ADGRE2: variants seen among roughly 807,000 people sequenced by gnomAD.
ADGRE2 encodes CD97 antigen.
A neutral mutation model predicts 100.8 loss-of-function variants in ADGRE2; 83 were observed. The ratio of observed to expected loss-of-function variants is 0.82; its 90% CI spans 0.69 to 0.99. The LOEUF (loss-of-function observed/expected upper bound fraction) is 0.99, where lower values mean the gene tolerates loss of function less well. Ranked by LOEUF, ADGRE2 falls within the 50% of genes least tolerant of loss-of-function variation. The probability of loss-of-function intolerance (pLI) is 0.00; values close to 1 mark genes in which losing one functional copy is unlikely to be tolerated. For synonymous variants in ADGRE2, 355 were observed against 413.0 expected (o/e 0.86, Z 1.70); for missense variants, 814 against 1,035.7 (o/e 0.79, Z 2.94).
At chr19:14,749,047 T>C (rs1421757998) in intron 16 of ADGRE2, among the ~76,000 whole-genome samples, 4 of 151,542 alleles carry the variant, frequency 2.6e-5, no homozygotes, top group African/African-American at 9.7e-5. Flanking sequence ...ATGATCACAT[T>C]ATAGTTATAT....
chr19:14,746,976 G>C lies in ADGRE2; in HGVS notation c.2025-14C>G. Reference sequence around the variant, plus strand: ...TGGAGCCAGCAGCTGAAAAAAGAGAGATTAAAAAAAATGCATCAGTTTTTG... The same window carrying C: ...TGGAGCCAGCAGCTGAAAAAAGAGACATTAAAAAAAATGCATCAGTTTTTG... On this transcript the variant is annotated splice_polypyrimidine_tract_variant and intron_variant, in intron 16 of 20. Transcript: ENST00000315576. 1.3e-6 allele frequency: 2 copies of C among 1,590,064 alleles called. No homozygotes were observed. Among genetic ancestry groups the C allele is most frequent in the Non-Finnish European group, 1.7e-6 (2 of 1,166,456 alleles).
At chr19:14,752,020 A>T (rs1599820055) in intron 15 of ADGRE2, among the ~76,000 whole-genome samples, 2 of 147,482 alleles carry the variant, frequency 1.4e-5, no homozygotes, top group Middle Eastern at 7.2e-3. Context: ...CACAACCTCC[A>T]CCTCCTGGGT....
chr19:14,774,674 T>TTTATTTTCTTTCTTTCTTTCTTTC (rs2044354817), intron 2 of ADGRE2, among the ~76,000 whole-genome samples: 2 of 68,960 alleles, frequency 2.9e-5, no homozygotes, highest in Non-Finnish European at 3.8e-5. Context: ...ATATTTTAAA[T>TTTATTTTCTTTCTTTCTTTCTTTC]TTTCTTTCTT....
intron 10 of ADGRE2, 52 bp from the exon 11 acceptor site, chr19:14,764,662 T>C: frequency 6.5e-7 from 1 of 1,538,058 alleles, no homozygotes; most frequent in Non-Finnish European, 8.8e-7. Context: ...AGGGCCCGCA[T>C]GAAGACTCCA....
At chr19:14,756,372 G>A in intron 11 of ADGRE2, 27 bp from the exon 12 acceptor site, 1 of 1,558,048 alleles carries the variant, frequency 6.4e-7, no homozygotes, top group Non-Finnish European at 8.9e-7. Context: ...TTACATAAGG[G>A]GGGTTAGGTT....
Position 14,740,010 on chromosome 19 carries a change from A to G in ADGRE2, c.2463+3410T>C, listed in dbSNP as rs189538316. 1.8e-4 allele frequency among the ~76,000 whole-genome samples: 27 copies of G among 151,910 alleles called. No homozygotes were observed. In the East Asian group the frequency reaches 4.3e-3, roughly 24 times the overall value. On this transcript the variant is annotated intron_variant, in intron 20 of 20. Coordinates refer to ENST00000315576, the MANE Select transcript of ADGRE2 (RefSeq NM_013447.4). ...TAGCTACTCGGGAGGCTGAGGCACGAGAATCACTTGAACCCTGGAGGCAGA... is the reference window on the plus strand; with the variant it reads ...TAGCTACTCGGGAGGCTGAGGCACGGGAATCACTTGAACCCTGGAGGCAGA...
At chr19:14,774,713 G>T (rs12461001) in intron 2 of ADGRE2, among the ~76,000 whole-genome samples, 1 of 125,932 alleles carries the variant, frequency 7.9e-6, no homozygotes, top group East Asian at 2.4e-4. Flanking sequence ...TTGCTCTGTC[G>T]CCCAGGCTGA....
downstream of ADGRE2, among the ~76,000 whole-genome samples, chr19:14,728,073 T>C (rs1190351381): frequency 6.6e-6 from 1 of 151,826 alleles, no homozygotes; most frequent in Non-Finnish European, 1.5e-5. Flanking sequence ...ATTAGCCGGG[T>C]GTGGTGGTGG....
chr19:14,752,700 A>C (rs2043338850), intron 14 of ADGRE2, among the ~76,000 whole-genome samples, 174 bp from the exon 15 acceptor site: 8 of 152,096 alleles, frequency 5.3e-5, no homozygotes, highest in Admixed American at 5.2e-4. Context: ...CCCGAGCCTC[A>C]TGGGTGGCTA....
intron 2 of ADGRE2, among the ~76,000 whole-genome samples, chr19:14,774,920 G>A (rs1464688390): frequency 1.4e-5 from 2 of 146,006 alleles, no homozygotes; most frequent in Admixed American, 6.9e-5. Context: ...GTGATCTGCC[G>A]GCCTTGGCCT....
intron 5 of ADGRE2, among the ~76,000 whole-genome samples, chr19:14,770,911 C>G (rs1054820962): frequency 6.6e-6 from 1 of 151,896 alleles, no homozygotes; most frequent in Non-Finnish European, 1.5e-5. Flanking sequence ...AACTCCTGAC[C>G]TCAGGTGATC....
intron 11 of ADGRE2, among the ~76,000 whole-genome samples, chr19:14,762,455 G>A (rs1426425212): frequency 6.6e-6 from 1 of 151,950 alleles, no homozygotes; most frequent in Non-Finnish European, 1.5e-5. Flanking sequence ...GAAACAGAAA[G>A]CAGATTAGCG....
Position 14,743,465 on chromosome 19 carries a change from G to A in ADGRE2, c.2418C>T (p.His806=), listed in dbSNP as rs1423520509. The A allele has an allele frequency of 5.0e-6, 8 of 1,614,146 alleles. No homozygotes were observed. Among genetic ancestry groups the A allele is most frequent in the Non-Finnish European group, 5.9e-6 (7 of 1,180,022 alleles). The change falls in exon 20 of 21, where the codon CAC becomes CAT. Residue 806 remains histidine (H), a synonymous_variant. Coordinates refer to ENST00000315576, the MANE Select transcript of ADGRE2 (RefSeq NM_013447.4). The part of the protein sequence containing the change: ...IRKLKTESEM[H]TLSSSAKADT... ...CAGCCTTAGCACTGCTGGAGAGTGTGTGCATCTCAGACTCAGTTTTCAATT... is the reference window on the plus strand; with the variant it reads ...CAGCCTTAGCACTGCTGGAGAGTGTATGCATCTCAGACTCAGTTTTCAATT...
chr19:14,765,935 C>T lies in ADGRE2; in HGVS notation c.635-131G>A, dbSNP rs554943451. ...AGAGGTGGACGCTGGGTTATGGAAG[C>T]GTGGAGAGGCCTGGGCACAGCAGGT... On this transcript the variant is annotated intron_variant, in intron 7 of 20. Coordinates refer to ENST00000315576, the MANE Select transcript of ADGRE2 (RefSeq NM_013447.4). 253 of 1,427,910 alleles carry T rather than the reference C, an allele frequency of 1.8e-4. No homozygotes were observed. In the African/African-American group the frequency reaches 2.9e-3, roughly 16 times the overall value. The allele number at this position is 1,427,910 out of a possible 1,614,324, so 88.5% of individuals were successfully genotyped here. A position where few individuals can be genotyped will look rare whatever the true frequency, so the allele number is the denominator to read the frequency against.
rs1185627811 is a variant in ADGRE2 at position 14,763,235 on chromosome 19, C to T, written c.1084+1198G>A. Among the ~76,000 whole-genome samples, 8 of 151,958 alleles carry T rather than the reference C, an allele frequency of 5.3e-5. No homozygotes were observed. In the South Asian group the frequency reaches 1.5e-3, roughly 28 times the overall value. ...GCGGGCACCTGTAGTCCCAGCTACT[C>T]GGGAGGCTGAGACAGGAGAATGCTG... On this transcript the variant is annotated intron_variant, in intron 11 of 20. Transcript: ENST00000315576.
Position 14,755,134 on chromosome 19 carries a change from G to C in ADGRE2, c.1417-7C>G. Reference sequence around the variant, plus strand: ...TCTGTCTCGGGATCACTGACTGCAGGAACAGAACACAGGTGTGGGCTGGGC... The same window carrying C: ...TCTGTCTCGGGATCACTGACTGCAGCAACAGAACACAGGTGTGGGCTGGGC... On this transcript the variant is annotated splice_region_variant and splice_polypyrimidine_tract_variant and intron_variant, in intron 13 of 20. Transcript: ENST00000315576. 5.0e-6 allele frequency: 8 copies of C among 1,613,392 alleles called. No homozygotes were observed. The highest frequency in any genetic ancestry group is 6.8e-6 in the Non-Finnish European group (8 of 1,179,620).
rs1263836424 is a variant in ADGRE2 at position 14,755,672 on chromosome 19, G to A, written c.1398C>T (p.Thr466=). The change falls in exon 13 of 21, where the codon ACC becomes ACT. Residue 466 remains threonine (T), a synonymous_variant. Transcript: ENST00000315576. ...CACTCACACGGTGGGAGAAGGTGAA[G>A]GTAACTGGGGAGCTGAGGTTTTGGG... ...NDTQNLSSPV[T]FTFSHRSVIP... 7 of 1,614,038 alleles carry A rather than the reference G, an allele frequency of 4.3e-6. No homozygotes were observed. Among genetic ancestry groups the A allele is most frequent in the Admixed American group, 3.3e-5 (2 of 60,004 alleles).
chr19:14,732,204 C>G (rs144279417), downstream of ADGRE2: 1 of 152,256 alleles, frequency 6.6e-6, no homozygotes, highest in East Asian at 1.9e-4. Context: ...TTATGGCAGC[C>G]CTGTGTCGAG....
intron 11 of ADGRE2, among the ~76,000 whole-genome samples, chr19:14,759,504 T>TATATA (rs1555786067): frequency 6.9e-4 from 49 of 70,946 alleles, no homozygotes; most frequent in South Asian, 2.5e-3. Flanking sequence ...TATATATATA[T>TATATA]TTTTTTTTTT....
Sources: gnomAD v4.1 joint callset for allele counts (sites outside exome capture counted in the v4.1 genomes callset) on GRCh38, gnomAD v4.1.1 for gene constraint, MANE v1.5 for transcripts, NCBI Gene and HGNC (gene_info 2026-07-23, HGNC 2026-07-21) for gene names.